The following CMTM7 variants were observed in gnomAD, a reference collection of about 807,000 sequenced individuals.
The protein encoded by CMTM7 is CKLF-like MARVEL transmembrane domain-containing protein 7.
In CMTM7, 7 loss-of-function variants were observed where a neutral mutation model predicts 19.3. The ratio of observed to expected loss-of-function variants is 0.36; its 90% CI spans 0.21 to 0.68. The LOEUF is 0.68. Among genes scored for constraint, CMTM7 ranks in the 30% least tolerant of loss-of-function variants. The probability of loss-of-function intolerance (pLI) is 0.60; values close to 1 mark genes in which losing one functional copy is unlikely to be tolerated. For missense variants in CMTM7, 193 were observed against 232.6 expected (o/e 0.83, Z 1.11); for synonymous variants, 87 against 99.3 (o/e 0.88, Z 0.74).
In CMTM7 at chr3:32,431,628, G is replaced by A. The variant is rs115079323; in HGVS notation, c.160-10212G>A. On this transcript the variant is annotated intron_variant, in intron 1 of 4. Transcript: ENST00000334983. ...AAAACAGAGGCCAGAAGCTGGGACA[G>A]GGGGCTCTGTATACAAGCAAGTGCA... is the stretch of plus-strand genomic sequence containing the variant. 4.3e-3 allele frequency among the ~76,000 whole-genome samples: 649 copies of A among 152,294 alleles called. 6 individuals are homozygous for A. The highest frequency in any genetic ancestry group is 0.015 in the African/African-American group (623 of 41,560).
At chr3:32,415,832 T>A (rs1196608444) in intron 1 of CMTM7, among the ~76,000 whole-genome samples, 2 of 152,252 alleles carry the variant, frequency 1.3e-5, no homozygotes, top group African/African-American at 2.4e-5. Context: ...CCAACTTGCC[T>A]CTGCAAATCT....
At chr3:32,416,239 A>C (rs2652586) in intron 1 of CMTM7, among the ~76,000 whole-genome samples, 63,417 of 151,386 alleles carry the variant, frequency 0.42, 13,541 homozygotes, top group South Asian at 0.47. Flanking sequence ...GCTCTTGTAA[A>C]CCAGGCTGGA....
At chr3:32,420,056 A>G (rs576114478) in intron 1 of CMTM7, among the ~76,000 whole-genome samples, 4 of 152,370 alleles carry the variant, frequency 2.6e-5, no homozygotes, top group Admixed American at 2.0e-4. Context: ...GCTAGATTCA[A>G]ATTGATTTGC....
intron 3 of CMTM7, chr3:32,452,179 G>C: frequency 6.6e-7 from 1 of 1,508,482 alleles, no homozygotes; most frequent in Non-Finnish European, 8.8e-7. Flanking sequence ...CCCTGACCTG[G>C]CCCAACCTGG....
intron 1 of CMTM7, among the ~76,000 whole-genome samples, chr3:32,401,630 C>T (rs1433348977): frequency 6.6e-6 from 1 of 152,272 alleles, no homozygotes; most frequent in Non-Finnish European, 1.5e-5. Flanking sequence ...CACTGGACAG[C>T]CATCTGTTTC....
At chr3:32,409,887 C>A (rs1315618902) in intron 1 of CMTM7, among the ~76,000 whole-genome samples, 1 of 152,236 alleles carries the variant, frequency 6.6e-6, no homozygotes, top group African/African-American at 2.4e-5. Flanking sequence ...ATGTCCTGTT[C>A]TTTTAAAAAG....
intron 1 of CMTM7, among the ~76,000 whole-genome samples, chr3:32,414,048 C>G (rs886177745): frequency 6.6e-6 from 1 of 152,142 alleles, no homozygotes; most frequent in African/African-American, 2.4e-5. Context: ...AAGAGCGGTC[C>G]TAGCTTCAGT....
In CMTM7 at chr3:32,441,948, G is replaced by C. The variant is rs377268191; in HGVS notation, c.268G>C (p.Ala90Pro). The C allele has an allele frequency of 1.2e-6, 2 of 1,614,094 alleles. No homozygotes were observed. The highest frequency in any genetic ancestry group is 3.3e-5 in the Admixed American group (2 of 60,024). ...CATTTGCGACTTGATAATGATCCTC[G>C]CCTTTTACCTGGTCCACCTCTTCCG... ...VTICDLIMILAFYLVHLFRFY... is the reference protein window; with the variant it reads ...VTICDLIMILPFYLVHLFRFY... Residue 90 changes from alanine (A) to proline (P), a missense_variant, in exon 2 of 5, where the codon GCC (alanine) becomes CCC (proline). Transcript: ENST00000334983.
intron 3 of CMTM7, among the ~76,000 whole-genome samples, chr3:32,450,104 C>T (rs944392078): frequency 6.6e-6 from 1 of 152,138 alleles, no homozygotes; most frequent in Admixed American, 6.6e-5. Context: ...GAGATATATA[C>T]ATACATATAT....
At chr3:32,406,229 A>G (rs570632767) in intron 1 of CMTM7, among the ~76,000 whole-genome samples, 3 of 152,248 alleles carry the variant, frequency 2.0e-5, no homozygotes, top group East Asian at 1.9e-4. Context: ...TGGATTTACT[A>G]TATTTATTTA....
rs532126765 is a variant in CMTM7 at position 32,452,030 on chromosome 3, A to G, written c.433-362A>G. On this transcript the variant is annotated intron_variant, in intron 3 of 4. Coordinates refer to ENST00000334983, the MANE Select transcript of CMTM7 (RefSeq NM_138410.4). Reference sequence around the variant, plus strand: ...GAACGTTCAGATTTTTTTAACCCAAATTAAAATTTCATCCTTTTCTTCTCT... The same window carrying G: ...GAACGTTCAGATTTTTTTAACCCAAGTTAAAATTTCATCCTTTTCTTCTCT... The G allele has an allele frequency of 6.4e-5, 82 of 1,276,374 alleles. No homozygotes were observed. In the African/African-American group the frequency reaches 1.2e-3, roughly 19 times the overall value. The allele number at this position is 1,276,374 out of a possible 1,614,324, so 79.1% of individuals were successfully genotyped here. A position where few individuals can be genotyped will look rare whatever the true frequency, so the allele number is the denominator to read the frequency against.
chr3:32,430,384 C>T (rs1215454838), intron 1 of CMTM7, among the ~76,000 whole-genome samples: 8 of 152,110 alleles, frequency 5.3e-5, no homozygotes, highest in African/African-American at 1.9e-4. Flanking sequence ...CACATGTGTT[C>T]AGGGCTGCTC....
chr3:32,413,107 T>C (rs926051076), intron 1 of CMTM7, among the ~76,000 whole-genome samples: 1 of 152,238 alleles, frequency 6.6e-6, no homozygotes, highest in African/African-American at 2.4e-5. Flanking sequence ...AACCCATTCA[T>C]TCATGTATTA....
chr3:32,409,155 A>G (rs347125), intron 1 of CMTM7, among the ~76,000 whole-genome samples: 43,706 of 152,082 alleles, frequency 0.29, 7,767 homozygotes, highest in South Asian at 0.41. Flanking sequence ...TGCTGGGATT[A>G]CAGGCATGAG....
chr3:32,454,294 G>A lies in CMTM7; in HGVS notation c.*40G>A. The A allele has an allele frequency of 6.2e-7, 1 of 1,613,688 alleles. No individual in the cohort carries two copies. On this transcript the variant is annotated 3_prime_UTR_variant, in exon 5 of 5. Transcript: ENST00000334983. ...CTAGGCCCCTCAGGAGCTTTGCAGAGAGGAGGACGTGTACTCCAGGCGAGG... is the reference window on the plus strand; with the variant it reads ...CTAGGCCCCTCAGGAGCTTTGCAGAAAGGAGGACGTGTACTCCAGGCGAGG...
At chr3:32,430,555 G>A (rs1346009841) in intron 1 of CMTM7, among the ~76,000 whole-genome samples, 2 of 152,164 alleles carry the variant, frequency 1.3e-5, no homozygotes, top group Non-Finnish European at 2.9e-5. Flanking sequence ...TCTGCTGTGT[G>A]CACTTAAGGT....
chr3:32,393,463 A>T (rs972178914), intron 1 of CMTM7, among the ~76,000 whole-genome samples: 4 of 152,172 alleles, frequency 2.6e-5, no homozygotes, highest in African/African-American at 9.7e-5. Flanking sequence ...ATTGGAAGGG[A>T]TGAGTTTGGT....
intron 1 of CMTM7, among the ~76,000 whole-genome samples, chr3:32,419,250 TACTA>T (rs1696309327): frequency 6.6e-6 from 1 of 152,252 alleles, no homozygotes. Context: ...CTCATGACAT[TACTA>T]AAGTTATTTA....
intron 1 of CMTM7, among the ~76,000 whole-genome samples, chr3:32,422,887 G>T (rs530810601): frequency 1.3e-5 from 2 of 152,306 alleles, no homozygotes; most frequent in African/African-American, 4.8e-5. Context: ...TGGTAATAAA[G>T]TGTTGAATAA....
Sources: gnomAD v4.1 joint callset for allele counts (sites outside exome capture counted in the v4.1 genomes callset) on GRCh38, gnomAD v4.1.1 for gene constraint, MANE v1.5 for transcripts, NCBI Gene and HGNC (gene_info 2026-07-23, HGNC 2026-07-21) for gene names.